GPD1L: variants seen among roughly 807,000 people sequenced by gnomAD.
The protein encoded by GPD1L is glycerol-3-phosphate dehydrogenase 1-like protein.
In GPD1L, 17 loss-of-function variants were observed where a neutral mutation model predicts 32.9. That is an observed-to-expected ratio of 0.52 (90% CI 0.35 to 0.78). The LOEUF (loss-of-function observed/expected upper bound fraction) is 0.78, where lower values mean the gene tolerates loss of function less well. GPD1L is among the 30% of genes least tolerant of loss of function. The pLI is 0.01. For synonymous variants in GPD1L, 187 were observed against 165.9 expected, an observed-to-expected ratio of 1.13 and a Z score of -0.98; for missense variants, 361 against 447.8, an observed-to-expected ratio of 0.81 and a Z score of 1.75.
rs1553657824 is a variant in GPD1L, at chr3:32,123,835, T to TAGATAGATAGATAGAC, written c.48-4234_48-4233insTAGATAGACAGATAGA. Among the ~76,000 whole-genome samples, 3 of 133,790 alleles carry TAGATAGATAGATAGAC rather than the reference T, an allele frequency of 2.2e-5. No homozygotes were observed. In the Admixed American group the frequency reaches 2.3e-4, roughly 10 times the overall value. The allele number at this position is 133,790 out of a possible 152,430, so 87.8% of individuals were successfully genotyped here. ...ATAGATAGATAGATAGATAGATAGA[T>TAGATAGATAGATAGAC]AGATAGACAGACAGATAAGACCCAT... On this transcript the variant is annotated intron_variant, in intron 1 of 7. Transcript: ENST00000282541.
intron 1 of GPD1L, among the ~76,000 whole-genome samples, chr3:32,116,885 A>T (rs1411205308): frequency 6.6e-6 from 1 of 152,186 alleles, no homozygotes; most frequent in African/African-American, 2.4e-5. Flanking sequence ...TATTGTCATC[A>T]TCCTTATTTT....
chr3:32,157,090 C>G (rs889175022), intron 5 of GPD1L, among the ~76,000 whole-genome samples: 3 of 152,052 alleles, frequency 2.0e-5, no homozygotes, highest in African/African-American at 7.2e-5. Flanking sequence ...ACTGAGTTGC[C>G]ACCTGTGCAA....
chr3:32,153,397 C>T (rs1277431508), intron 5 of GPD1L, among the ~76,000 whole-genome samples: 3 of 152,242 alleles, frequency 2.0e-5, no homozygotes, highest in African/African-American at 7.2e-5. Context: ...GACTCAGTGG[C>T]TGACTAATGG....
At chr3:32,123,586 C>G (rs1173012920) in intron 1 of GPD1L, among the ~76,000 whole-genome samples, 1 of 152,074 alleles carries the variant, frequency 6.6e-6, no homozygotes, top group South Asian at 2.1e-4. Flanking sequence ...CTGACCCCCC[C>G]ATCATTTTGT....
intron 1 of GPD1L, among the ~76,000 whole-genome samples, chr3:32,119,559 A>G (rs896128712): frequency 6.6e-6 from 1 of 152,204 alleles, no homozygotes; most frequent in African/African-American, 2.4e-5. Flanking sequence ...AGATCAAATA[A>G]CATTCGCCAA....
chr3:32,144,379 A>G (rs1700790622), intron 4 of GPD1L, among the ~76,000 whole-genome samples: 1 of 152,112 alleles, frequency 6.6e-6, no homozygotes, highest in Non-Finnish European at 1.5e-5. Flanking sequence ...TTCCACAAAT[A>G]TTTTTCAAAC....
intron 5 of GPD1L, among the ~76,000 whole-genome samples, chr3:32,156,074 C>T (rs1438892128): frequency 1.3e-5 from 2 of 152,152 alleles, no homozygotes; most frequent in African/African-American, 4.8e-5. Flanking sequence ...CGGCAACTCA[C>T]CCCTTCTAGA....
chr3:32,130,303 T>C (rs1700567688), intron 2 of GPD1L, among the ~76,000 whole-genome samples: 1 of 152,178 alleles, frequency 6.6e-6, no homozygotes, highest in African/African-American at 2.4e-5. Flanking sequence ...CTATTCTTCC[T>C]GTTTAAGTGA....
Position 32,160,585 on chromosome 3 carries a change from G to A in GPD1L, c.959+911G>A, listed in dbSNP as rs556761661. 2.6e-4 allele frequency among the ~76,000 whole-genome samples: 33 copies of A among 127,776 alleles called. 4 individuals are homozygous for A. The highest frequency in any genetic ancestry group is 5.3e-4 in the Non-Finnish European group (33 of 62,178). The allele number at this position is 127,776 out of a possible 152,430, so 83.8% of individuals were successfully genotyped here. On this transcript the variant is annotated intron_variant, in intron 7 of 7. Coordinates refer to ENST00000282541, the MANE Select transcript of GPD1L (RefSeq NM_015141.4). ...GTGGGTGGGATGGGATGAGATAGAC[G>A]GAGGGATGGATAATGGATGGGTGCA...
At chr3:32,130,931 C>A (rs1700579215) in intron 2 of GPD1L, among the ~76,000 whole-genome samples, 1 of 152,234 alleles carries the variant, frequency 6.6e-6, no homozygotes, top group African/African-American at 2.4e-5. Context: ...AGGAGAATTG[C>A]CTGAACCCAG....
chr3:32,154,562 G>A (rs1161996292), intron 5 of GPD1L, among the ~76,000 whole-genome samples: 5 of 152,090 alleles, frequency 3.3e-5, no homozygotes, highest in Admixed American at 2.0e-4. Flanking sequence ...AGAGCAGCAC[G>A]GTGTGGCGTG....
At chr3:32,128,497 T>G (rs1700544653) in intron 2 of GPD1L, among the ~76,000 whole-genome samples, 1 of 152,216 alleles carries the variant, frequency 6.6e-6, no homozygotes, top group Admixed American at 6.5e-5. Context: ...TTTATAATTC[T>G]AGAGGTTTTG....
rs1700722701 is a variant in GPD1L, at chr3:32,140,252, C to A, written c.391C>A (p.Leu131Met). 4.3e-6 allele frequency: 7 copies of A among 1,614,048 alleles called. No homozygotes were observed. Among genetic ancestry groups the A allele is most frequent in the Non-Finnish European group, 5.9e-6 (7 of 1,179,972 alleles). ...IKGIDEGPEGLKLISDIIREK... is the reference protein window; with the variant it reads ...IKGIDEGPEGMKLISDIIREK... ...GGGCATAGACGAGGGCCCCGAGGGG[C>A]TGAAGCTCATTTCTGACATCATCCG... Residue 131 changes from leucine (L) to methionine (M), a missense_variant, in exon 4 of 8, where the codon CTG becomes ATG. Physicochemically the swap from Leu to Met is conservative, Grantham distance 15 (BLOSUM62 2). Coordinates refer to ENST00000282541, the MANE Select transcript of GPD1L (RefSeq NM_015141.4).
chr3:32,140,060 T>C (rs544465863), intron 3 of GPD1L, among the ~76,000 whole-genome samples, 168 bp from the exon 4 acceptor site: 2 of 152,262 alleles, frequency 1.3e-5, no homozygotes, highest in African/African-American at 4.8e-5. Flanking sequence ...GAGTACATGT[T>C]TATTTTCTTC....
At chr3:32,121,844 C>G (rs1229464174) in intron 1 of GPD1L, among the ~76,000 whole-genome samples, 1 of 149,994 alleles carries the variant, frequency 6.7e-6, no homozygotes, top group African/African-American at 2.5e-5. Flanking sequence ...GATTTCAGCT[C>G]ACCGCAACCT....
chr3:32,117,697 T>C (rs1700353040), intron 1 of GPD1L, among the ~76,000 whole-genome samples: 1 of 152,226 alleles, frequency 6.6e-6, no homozygotes, highest in Non-Finnish European at 1.5e-5. Context: ...TGCTAGGATG[T>C]AGAATATGCT....
chr3:32,152,536 C>T (rs1700932892), intron 5 of GPD1L, among the ~76,000 whole-genome samples: 2 of 152,148 alleles, frequency 1.3e-5, no homozygotes, highest in East Asian at 1.9e-4. Context: ...AGCGCTGACC[C>T]TCATGCAACA....
chr3:32,150,763 A>G (rs114739640), intron 5 of GPD1L, among the ~76,000 whole-genome samples: 1,631 of 152,298 alleles, frequency 0.011, 28 homozygotes, highest in African/African-American at 0.037. Flanking sequence ...ACTATGGAGA[A>G]TATTACTAAA....
chr3:32,150,131 T>C (rs868241112), intron 5 of GPD1L, among the ~76,000 whole-genome samples: 2 of 152,272 alleles, frequency 1.3e-5, no homozygotes, highest in Middle Eastern at 3.4e-3. Flanking sequence ...CAGCCTCCAG[T>C]TGGGCAGTCA....
Sources: allele counts gnomAD v4.1 joint callset (sites outside exome capture counted in the v4.1 genomes callset), GRCh38; gene constraint gnomAD v4.1.1; transcripts MANE v1.5; gene names NCBI Gene and HGNC (gene_info 2026-07-23, HGNC 2026-07-21).